The following PPAN variants were observed in gnomAD, a reference collection of about 807,000 sequenced individuals.
PPAN encodes peter pan homolog, also known as suppressor of SWI4 1 homolog.
Under a neutral mutation model 48.5 loss-of-function variants are expected in PPAN, and 39 were observed. The observed-to-expected ratio is 0.80, with a 90% CI of 0.62 to 1.05. The LOEUF (loss-of-function observed/expected upper bound fraction) is 1.05, where lower values mean the gene tolerates loss of function less well. Ranked by LOEUF, PPAN falls within the 50% of genes least tolerant of loss-of-function variation. The probability of loss-of-function intolerance (pLI) is 0.00; values close to 1 mark genes in which losing one functional copy is unlikely to be tolerated. For missense variants in PPAN, 736 were observed against 661.7 expected, an observed-to-expected ratio of 1.11 and a Z score of -1.23; for synonymous variants, 315 against 268.6, an observed-to-expected ratio of 1.17 and a Z score of -1.69.
At position 10,109,621 on chromosome 19, in the gene PPAN, C is replaced by G. The variant is rs759710281; in HGVS notation, c.514-10C>G. The stretch of plus-strand genomic sequence containing the variant: ...GTCTACTGGACTATGCTCTCTTCCT[C>G]CCCTTCCAGGTGAACCTGAACACCA... On this transcript the variant is annotated splice_polypyrimidine_tract_variant and intron_variant, in intron 5 of 11. Coordinates refer to ENST00000253107, the MANE Select transcript of PPAN (RefSeq NM_020230.7). 6.2e-7 allele frequency: 1 copy of G among 1,611,508 alleles called. No homozygotes were observed. The highest frequency in any genetic ancestry group is 1.3e-5 in the African/African-American group (1 of 74,942).
At position 10,110,824 on chromosome 19, in the gene PPAN, A is replaced by G. The variant is rs199787700; in HGVS notation, c.1159A>G (p.Ile387Val). 24 of 1,613,898 alleles carry G rather than the reference A, an allele frequency of 1.5e-5. No individual in the cohort carries two copies. Among genetic ancestry groups the G allele is most frequent in the African/African-American group, 2.7e-5 (2 of 74,906 alleles). ...CGATGATGAACAGGAAGATGATGAC[A>G]TCGAGTATTTCTGCCAGGCGGTGGG... ...EDDDEQEDDD[I>V]EYFCQAVGEA... Residue 387 changes from isoleucine (I) to valine (V), a missense_variant, in exon 11 of 12, where the codon ATC (isoleucine) becomes GTC (valine). Transcript: ENST00000253107. This position sits in a 1 kb window ranked among gnomAD's most constrained non-coding sequence, Gnocchi z 5.9.
Position 10,110,836 on chromosome 19 carries a change from T to G in PPAN, c.1171T>G (p.Cys391Gly). The G allele has an allele frequency of 1.2e-6, 2 of 1,613,994 alleles. No individual in the cohort carries two copies. Among genetic ancestry groups the G allele is most frequent in the South Asian group, 2.2e-5 (2 of 91,084 alleles). The change falls in exon 11 of 12, where the codon TGC (cysteine) becomes GGC (glycine). Residue 391 changes from cysteine (C) to glycine (G), a missense_variant. By Grantham distance (159) the Cys-to-Gly change is radical. Transcript: ENST00000253107. This position sits in a 1 kb window ranked among gnomAD's most constrained non-coding sequence, Gnocchi z 5.9. Reference sequence around the variant, plus strand: ...GGAAGATGATGACATCGAGTATTTCTGCCAGGCGGTGGGCGAGGCGCCCAG... The same window carrying G: ...GGAAGATGATGACATCGAGTATTTCGGCCAGGCGGTGGGCGAGGCGCCCAG... Reference protein sequence around the residue: ...EQEDDDIEYFCQAVGEAPSED... With the variant: ...EQEDDDIEYFGQAVGEAPSED...
rs1006451285 is a variant in PPAN, at chr19:10,110,849, G to A, written c.1184G>A (p.Gly395Asp). The A allele has an allele frequency of 5.0e-6, 8 of 1,613,698 alleles. No homozygotes were observed. The Admixed American group carries it at 1.3e-4, about 27-fold the overall frequency. The stretch of plus-strand genomic sequence containing the variant: ...ATCGAGTATTTCTGCCAGGCGGTGG[G>A]CGAGGCGCCCAGTGAGGGTATGGAG... Reference protein sequence around the residue: ...DDIEYFCQAVGEAPSEDLFPE... With the variant: ...DDIEYFCQAVDEAPSEDLFPE... Residue 395 changes from glycine (G) to aspartate (D), a missense_variant, in exon 11 of 12, where the codon GGC becomes GAC. Physicochemically the swap from Gly to Asp is moderately conservative, Grantham distance 94. Coordinates refer to ENST00000253107, the MANE Select transcript of PPAN (RefSeq NM_020230.7). This position sits in a 1 kb window ranked among gnomAD's most constrained non-coding sequence, Gnocchi z 5.9.
At position 10,111,417 on chromosome 19, in the gene PPAN, C is replaced by T. The variant is rs1335884382; in HGVS notation, c.*252C>T. 1.6e-6 allele frequency: 1 copy of T among 630,998 alleles called. No homozygotes were observed. The highest frequency in any genetic ancestry group is 2.0e-5 in the South Asian group (1 of 49,918). 39.1% of individuals were successfully genotyped at this position (630,998 alleles called of 1,614,324 possible). The stretch of plus-strand genomic sequence containing the variant: ...TGGTTTCTTCCTGGAAGCTGGGTCT[C>T]TCCCCTACCCTGCACGGGGTTGGTT... On this transcript the variant is annotated 3_prime_UTR_variant, in exon 12 of 12. Transcript: ENST00000253107.
At position 10,111,272 on chromosome 19, in the gene PPAN, C is replaced by T. The variant is rs2089061786; in HGVS notation, c.*107C>T. 2 of 1,278,788 alleles carry T rather than the reference C, an allele frequency of 1.6e-6. No individual in the cohort carries two copies. The highest frequency in any genetic ancestry group is 2.1e-6 in the Non-Finnish European group (2 of 955,622). The allele number at this position is 1,278,788 out of a possible 1,614,324, so 79.2% of individuals were successfully genotyped here. A position where few individuals can be genotyped will look rare whatever the true frequency, so the allele number is the denominator to read the frequency against. On this transcript the variant is annotated 3_prime_UTR_variant, in exon 12 of 12. Coordinates refer to ENST00000253107, the MANE Select transcript of PPAN (RefSeq NM_020230.7). ...AGGAGTTGTGTCCCCAGCCCTTCCACTCCAGTAAAGAACTGAATTGGCCAG... is the reference window on the plus strand; with the variant it reads ...AGGAGTTGTGTCCCCAGCCCTTCCATTCCAGTAAAGAACTGAATTGGCCAG...
At position 10,111,031 on chromosome 19, in the gene PPAN, C is replaced by G. The variant is rs116781814; in HGVS notation, c.1288C>G (p.Arg430Gly). 139 of 1,613,652 alleles carry G rather than the reference C, an allele frequency of 8.6e-5. No individual in the cohort carries two copies. The African/African-American group carries it at 1.7e-3, about 20-fold the overall frequency. Residue 430 changes from arginine (R) to glycine (G), a missense_variant, in exon 12 of 12, where the codon CGC becomes GGC. Arg to Gly is a moderately radical substitution (Grantham distance 125). Coordinates refer to ENST00000253107, the MANE Select transcript of PPAN (RefSeq NM_020230.7). Reference sequence around the variant, plus strand: ...GTGGGAAATGGATCGAGGCAGGGGTCGCCTTTGTGACCAGAAGTTTCCCAA... The same window carrying G: ...GTGGGAAATGGATCGAGGCAGGGGTGGCCTTTGTGACCAGAAGTTTCCCAA... The part of the protein sequence containing the change: ...KRWEMDRGRG[R>G]LCDQKFPKTK...
chr19:10,107,069 C>T, intron 2 of PPAN: 1 of 472,768 alleles, frequency 2.1e-6, no homozygotes, highest in Non-Finnish European at 4.1e-6. Flanking sequence ...TGCCTGTAGT[C>T]CCGGCTACTC....
Position 10,111,072 on chromosome 19 carries a change from C to T in PPAN, c.1329C>T (p.Ser443=), listed in dbSNP as rs761569109. 1 of 1,613,326 alleles carries T rather than the reference C, an allele frequency of 6.2e-7. No individual in the cohort carries two copies. Among genetic ancestry groups the T allele is most frequent in the South Asian group, 1.1e-5 (1 of 91,068 alleles). The change falls in exon 12 of 12, where the codon TCC becomes TCT. Residue 443 remains serine (S), a synonymous_variant. Coordinates refer to ENST00000253107, the MANE Select transcript of PPAN (RefSeq NM_020230.7). The part of the protein sequence containing the change: ...DQKFPKTKDK[S]QGAQARRGPR... ...AGTTTCCCAAGACCAAGGACAAGTC[C>T]CAGGGAGCCCAGGCCAGGCGGGGGC...
At chr19:10,107,651 C>T (rs2088879351) in intron 3 of PPAN, 45 bp downstream of exon 3, 1 of 1,604,414 alleles carries the variant, frequency 6.2e-7, no homozygotes, top group Non-Finnish European at 8.5e-7. Context: ...ACCCCCCCTT[C>T]CCCTATCTCT....
chr19:10,107,311 G>T (rs1416016351), intron 2 of PPAN, among the ~76,000 whole-genome samples, 194 bp from the exon 3 acceptor site: 1 of 152,172 alleles, frequency 6.6e-6, no homozygotes, highest in Non-Finnish European at 1.5e-5. Context: ...GGGAAGATGC[G>T]CTGTGAGCAA....
rs1367730854 is a variant in PPAN, at chr19:10,111,450, T to A, written c.*285T>A. ...CCCTGCACGGGGTTGGTTTCATTGG[T>A]GGCAGCAGCAGCCATGAGTGGCCCC... On this transcript the variant is annotated 3_prime_UTR_variant, in exon 12 of 12. Coordinates refer to ENST00000253107, the MANE Select transcript of PPAN (RefSeq NM_020230.7). The A allele has an allele frequency of 3.2e-6, 2 of 621,540 alleles. No individual in the cohort carries two copies. The highest frequency in any genetic ancestry group is 5.6e-6 in the Non-Finnish European group (2 of 356,584). The allele number at this position is 621,540 out of a possible 1,614,324, so 38.5% of individuals were successfully genotyped here. A position where few individuals can be genotyped will look rare whatever the true frequency, so the allele number is the denominator to read the frequency against.
In PPAN at chr19:10,110,680, C is replaced by T; in HGVS notation, c.1032-17C>T. ...CCTGGGATGGGCGGCTATGTTGACC[C>T]CCACGCCCTCCTCCAGAAAGAAGAG... On this transcript the variant is annotated splice_polypyrimidine_tract_variant and intron_variant, in intron 10 of 11. Coordinates refer to ENST00000253107, the MANE Select transcript of PPAN (RefSeq NM_020230.7). This position sits in a 1 kb window ranked among gnomAD's most constrained non-coding sequence, Gnocchi z 5.9. 1.9e-6 allele frequency: 3 copies of T among 1,612,848 alleles called. No individual in the cohort carries two copies. The highest frequency in any genetic ancestry group is 2.5e-6 in the Non-Finnish European group (3 of 1,179,512).
In PPAN at chr19:10,111,732, ACGTCT is replaced by A; in HGVS notation, c.*570_*574del. ...GATCGGCACGGGAGCATGGCAGCCA[ACGTCT>A]CGGGTAAGGAGAAGGCATGTTGGCT... On this transcript the variant is annotated 3_prime_UTR_variant, in exon 12 of 12. Transcript: ENST00000253107. The A allele has an allele frequency of 1.2e-6, 2 of 1,613,576 alleles. No individual in the cohort carries two copies. Among genetic ancestry groups the A allele is most frequent in the Non-Finnish European group, 1.7e-6 (2 of 1,179,772 alleles).
At position 10,110,907 on chromosome 19, in the gene PPAN, C is replaced by T. The variant is rs759963016; in HGVS notation, c.1202-38C>T. 2 of 1,613,124 alleles carry T rather than the reference C, an allele frequency of 1.2e-6. No homozygotes were observed. Among genetic ancestry groups the T allele is most frequent in the East Asian group, 2.2e-5 (1 of 44,818 alleles). On this transcript the variant is annotated intron_variant, in intron 11 of 11. Coordinates refer to ENST00000253107, the MANE Select transcript of PPAN (RefSeq NM_020230.7). This position sits in a 1 kb window ranked among gnomAD's most constrained non-coding sequence, Gnocchi z 5.9. The stretch of plus-strand genomic sequence containing the variant: ...TGCAGCAGGGCACCCAGAGCCTGTC[C>T]TTGTCTCTGGGGGCCCTGACACTGT...
intron 2 of PPAN, 152 bp from the exon 3 acceptor site, chr19:10,107,353 A>G: frequency 1.3e-6 from 1 of 745,576 alleles, no homozygotes; most frequent in Non-Finnish European, 2.1e-6. Flanking sequence ...TCTGCGTCCG[A>G]CTGACTCTAA....
intron 5 of PPAN, 139 bp from the exon 6 acceptor site, chr19:10,109,492 A>G: frequency 9.4e-7 from 1 of 1,066,210 alleles, no homozygotes. Context: ...TGGAGTAGCT[A>G]AAACTGCAGG....
rs944679778 is a variant in PPAN, at chr19:10,106,663, C to T, written c.181C>T (p.Arg61Cys). The T allele has an allele frequency of 5.2e-6, 8 of 1,536,502 alleles. No homozygotes were observed. Among genetic ancestry groups the T allele is most frequent in the Admixed American group, 2.0e-5 (1 of 51,064 alleles). Residue 61 changes from arginine to cysteine, a missense_variant, in exon 2 of 12, where the codon CGT becomes TGT. Transcript: ENST00000253107. ...GGTCATGGAGCCGCTCACTGCCAGC[C>T]GTCTGCAGGTTTGTACCCCACCCCC... ...RRVMEPLTAS[R>C]LQVRKKNSLK...
In PPAN at chr19:10,108,465, C is replaced by T. The variant is rs142380973; in HGVS notation, c.513+331C>T. Among the ~76,000 whole-genome samples, 133 of 152,164 alleles carry T rather than the reference C, an allele frequency of 8.7e-4. 2 individuals are homozygous for T. The highest frequency in any genetic ancestry group is 3.4e-3 in the Middle Eastern group (1 of 294). ...GGCCCTGTTTTACAGAGGGAAGCTG[C>T]GGGCCCAGTGCTATGGCTTCGGCCT... On this transcript the variant is annotated intron_variant, in intron 5 of 11. Transcript: ENST00000253107.
intron 5 of PPAN, among the ~76,000 whole-genome samples, chr19:10,108,963 CT>C (rs1304271167): frequency 1.6e-3 from 222 of 138,512 alleles, no homozygotes; most frequent in Admixed American, 1.4e-3. Context: ...TCTTGTTTAC[CT>C]TTTTTTTTTT....
Sources: gnomAD v4.1 joint callset for allele counts (sites outside exome capture counted in the v4.1 genomes callset) on GRCh38, gnomAD v4.1.1 for gene constraint, Gnocchi (gnomAD v3.1) non-coding constraint, MANE v1.5 for transcripts, NCBI Gene and HGNC (gene_info 2026-07-23, HGNC 2026-07-21) for gene names.